MAF: variants seen among roughly 807,000 people sequenced by gnomAD.
The protein encoded by MAF is MAF bZIP transcription factor.
Under a neutral mutation model 22.0 loss-of-function variants are expected in MAF, and 10 were observed. The observed-to-expected ratio is 0.45, with a 90% CI of 0.28 to 0.77. The LOEUF (loss-of-function observed/expected upper bound fraction) is 0.77. MAF is among the 30% of genes least tolerant of loss of function. The pLI is 0.12. For synonymous variants in MAF, 337 were observed against 255.8 expected (o/e 1.32, Z -3.03); for missense variants, 544 against 548.4 (o/e 0.99, Z 0.08).
chr16:79,211,125 A>T, the MAF span, among the ~76,000 whole-genome samples: 1 of 151,942 alleles, frequency 6.6e-6, no homozygotes, highest in Admixed American at 6.6e-5. Flanking sequence ...GCATAAAGGG[A>T]TGATCTGGCA....
At chr16:79,469,244 T>A in the MAF span, among the ~76,000 whole-genome samples, 1 of 152,188 alleles carries the variant, frequency 6.6e-6, no homozygotes, top group African/African-American at 2.4e-5. Context: ...AATGGCAGAG[T>A]TGAGCGGTTG....
chr16:79,309,402 G>A, the MAF span, among the ~76,000 whole-genome samples: 5 of 152,174 alleles, frequency 3.3e-5, no homozygotes, highest in Non-Finnish European at 5.9e-5. Flanking sequence ...CAGAAGGTCT[G>A]CTTTTCTCAT....
the MAF span, among the ~76,000 whole-genome samples, chr16:79,271,230 C>T: frequency 6.6e-6 from 1 of 152,118 alleles, no homozygotes; most frequent in Non-Finnish European, 1.5e-5. Flanking sequence ...CCACAGTTTT[C>T]AAGTGAGAAC....
the MAF span, among the ~76,000 whole-genome samples, chr16:79,222,727 A>T: frequency 2.9e-3 from 436 of 152,316 alleles, 5 homozygotes; most frequent in Admixed American, 0.022. Flanking sequence ...TTGCAATCCT[A>T]GTCTCTGATA....
the MAF span, among the ~76,000 whole-genome samples, chr16:79,251,122 G>A: frequency 6.6e-6 from 1 of 152,054 alleles, no homozygotes. Flanking sequence ...AAGGTTAAGT[G>A]CTTATTTCAA....
At position 79,599,514 on chromosome 16, in the gene MAF, C is replaced by A; in HGVS notation, c.389G>T (p.Gly130Val). The A allele has an allele frequency of 6.5e-7, 1 of 1,526,786 alleles. No homozygotes were observed. Among genetic ancestry groups the A allele is most frequent in the Non-Finnish European group, 8.8e-7 (1 of 1,138,424 alleles). The allele number at this position is 1,526,786 out of a possible 1,614,324, so 94.6% of individuals were successfully genotyped here. ...CAGCTGCTGCGCCCCGCGCGCGTAG[C>A]CATCGAAGCCGCCCTGGAGCTGGTG... ...NSHQLQGGFD[G>V]YARGAQQLAA... Residue 130 changes from glycine (G) to valine (V), a missense_variant, in exon 1 of 2, where the codon GGC becomes GTC. Transcript: ENST00000326043.
the MAF span, among the ~76,000 whole-genome samples, chr16:79,485,281 C>T: frequency 6.6e-6 from 1 of 152,190 alleles, no homozygotes; most frequent in Non-Finnish European, 1.5e-5. Context: ...CTACTTGCCT[C>T]ATAGGGTTGT....
chr16:79,483,354 G>A, the MAF span, among the ~76,000 whole-genome samples: 2 of 146,738 alleles, frequency 1.4e-5, no homozygotes, highest in East Asian at 4.1e-4. Flanking sequence ...CAATGGCAGA[G>A]AAGGGACAGG....
chr16:79,423,275 A>G, the MAF span, among the ~76,000 whole-genome samples: 40 of 152,254 alleles, frequency 2.6e-4, no homozygotes, highest in African/African-American at 8.2e-4. Context: ...AACCTGTTCT[A>G]GGGAGAGGGC....
At chr16:79,492,010 T>C in the MAF span, among the ~76,000 whole-genome samples, 3 of 152,150 alleles carry the variant, frequency 2.0e-5, no homozygotes, top group Admixed American at 6.5e-5. Context: ...AAGCTATTAA[T>C]TAATTAATTC....
the MAF span, among the ~76,000 whole-genome samples, chr16:79,474,050 C>T: frequency 6.6e-6 from 1 of 151,640 alleles, no homozygotes; most frequent in African/African-American, 2.4e-5. Context: ...ACAGAGGGCA[C>T]AGGAGAGAGG....
chr16:79,571,971 T>G, the MAF span, among the ~76,000 whole-genome samples: 1 of 152,206 alleles, frequency 6.6e-6, no homozygotes, highest in Non-Finnish European at 1.5e-5. Context: ...ACTCTTCATT[T>G]TCCTTCTCCT....
At chr16:79,337,623 C>A in the MAF span, among the ~76,000 whole-genome samples, 1 of 152,008 alleles carries the variant, frequency 6.6e-6, no homozygotes, top group East Asian at 1.9e-4. Flanking sequence ...CTGACCCAAC[C>A]CAGAAACCAT....
At chr16:79,567,564 T>C in the MAF span, among the ~76,000 whole-genome samples, 1 of 152,164 alleles carries the variant, frequency 6.6e-6, no homozygotes, top group Non-Finnish European at 1.5e-5. Flanking sequence ...TGTCTGTTTG[T>C]ATATTTTTCC....
At chr16:79,415,741 G>C in the MAF span, among the ~76,000 whole-genome samples, 4 of 151,944 alleles carry the variant, frequency 2.6e-5, no homozygotes, top group African/African-American at 9.7e-5. Context: ...GTTAGACCTG[G>C]GTTTGATCCT....
chr16:79,229,707 A>G, the MAF span, among the ~76,000 whole-genome samples: 2 of 152,022 alleles, frequency 1.3e-5, no homozygotes, highest in African/African-American at 4.8e-5. Flanking sequence ...TCGTTGAGCT[A>G]TCTAGAGGAG....
chr16:79,211,046 T>TGTGTGTGG, the MAF span, among the ~76,000 whole-genome samples: 1 of 151,888 alleles, frequency 6.6e-6, no homozygotes, highest in East Asian at 1.9e-4. Context: ...TGTGTGTGTG[T>TGTGTGTGG]GTGTGTGTGT....
chr16:79,432,751 CACACAGA>C, the MAF span, among the ~76,000 whole-genome samples: 3 of 152,132 alleles, frequency 2.0e-5, no homozygotes, highest in Non-Finnish European at 4.4e-5. Flanking sequence ...TACACACACA[CACACAGA>C]ACATCATGTG....
the MAF span, among the ~76,000 whole-genome samples, chr16:79,285,170 GT>G: frequency 6.6e-6 from 1 of 152,092 alleles, no homozygotes; most frequent in Non-Finnish European, 1.5e-5. Flanking sequence ...ATAGGCATTT[GT>G]CTGCTGCTCT....
Sources: allele counts gnomAD v4.1 joint callset (sites outside exome capture counted in the v4.1 genomes callset), GRCh38; gene constraint gnomAD v4.1.1; transcripts MANE v1.5; gene names NCBI Gene and HGNC (gene_info 2026-07-23, HGNC 2026-07-21).